Variants in PGBD1 observed in about 807,000 individuals in gnomAD.
The protein encoded by PGBD1 is piggyBac transposable element-derived protein 1.
In PGBD1, 25 loss-of-function variants were observed where a neutral mutation model predicts 34.7. The observed-to-expected ratio is 0.72, with a 90% CI of 0.52 to 1.00. The LOEUF (loss-of-function observed/expected upper bound fraction) is 1.00. Among genes scored for constraint, PGBD1 ranks in the 50% least tolerant of loss-of-function variants. The pLI is 0.00. For missense variants in PGBD1, 830 were observed against 959.4 expected, an observed-to-expected ratio of 0.87 and a Z score of 1.78; for synonymous variants, 292 against 335.7, an observed-to-expected ratio of 0.87 and a Z score of 1.42.
chr6:28,302,060 A>C lies in PGBD1; in HGVS notation c.2206A>C (p.Lys736Gln). The change falls in exon 7 of 7, where the codon AAG becomes CAG. Residue 736 changes from lysine (K) to glutamine (Q), a missense_variant. Around this residue, in one of 3 missense-constraint regions of PGBD1, gnomAD observed 372 missense variants for 427.9 expected, o/e 0.87. Coordinates refer to ENST00000682144, the MANE Select transcript of PGBD1 (RefSeq NM_032507.4). ...PSIVKVYDEC[K>Q]EGVAKMDQII... ...CATAGTAAAAGTGTATGATGAATGCAAGGAAGGTGTAGCTAAAATGGATCA... is the reference window on the plus strand; with the variant it reads ...CATAGTAAAAGTGTATGATGAATGCCAGGAAGGTGTAGCTAAAATGGATCA... 6.2e-7 allele frequency: 1 copy of C among 1,614,162 alleles called. No individual in the cohort carries two copies. The highest frequency in any genetic ancestry group is 1.3e-5 in the African/African-American group (1 of 75,028).
In PGBD1 at chr6:28,285,272, A is replaced by C. The variant is rs535062856; in HGVS notation, c.397-279A>C. On this transcript the variant is annotated intron_variant, in intron 2 of 6. Coordinates refer to ENST00000682144, the MANE Select transcript of PGBD1 (RefSeq NM_032507.4). Reference sequence around the variant, plus strand: ...TGATGAGGTTATGGTGGTACCTGTCAATTTTCTCCACTAGAAAGTTACCAT... The same window carrying C: ...TGATGAGGTTATGGTGGTACCTGTCCATTTTCTCCACTAGAAAGTTACCAT... Among the ~76,000 whole-genome samples the C allele has an allele frequency of 1.3e-3, 196 of 152,306 alleles. 6 individuals carry two copies. The South Asian group carries it at 0.035, about 27-fold the overall frequency.
Position 28,296,833 on chromosome 6 carries a change from G to T in PGBD1, c.660G>T (p.Glu220Asp). 6.2e-7 allele frequency: 1 copy of T among 1,614,124 alleles called. No individual in the cohort carries two copies. The highest frequency in any genetic ancestry group is 8.5e-7 in the Non-Finnish European group (1 of 1,179,990). The change falls in exon 5 of 7, where the codon GAG becomes GAT. Residue 220 changes from glutamate to aspartate, a missense_variant. Physicochemically the swap from Glu to Asp is conservative, Grantham distance 45. This residue lies in a region of PGBD1 where 457 missense variants were observed against 515.4 expected (regional missense o/e 0.89). Coordinates refer to ENST00000682144, the MANE Select transcript of PGBD1 (RefSeq NM_032507.4). ...PVRSQTLVKT[E>D]EETAQAVAAE... ...CTTTTTAGACATTGGTGAAGACTGA[G>T]GAAGAAACAGCCCAGGCCGTTGCTG...
rs1247037412 is a variant in PGBD1 at position 28,281,732 on chromosome 6, T to G, written c.-225T>G. ...TCAGCTACGTCTTTGTTGTGCGCGT[T>G]CCTGAACTTTTGGTCCATTAACCAA... On this transcript the variant is annotated 5_prime_UTR_variant, in exon 1 of 7. Transcript: ENST00000682144. The G allele has an allele frequency of 4.5e-5, 12 of 267,728 alleles. No individual in the cohort carries two copies. The highest frequency in any genetic ancestry group is 2.4e-4 in the African/African-American group (11 of 45,650). The allele number at this position is 267,728 out of a possible 1,614,324, so 16.6% of individuals were successfully genotyped here. A position where few individuals can be genotyped will look rare whatever the true frequency, so the allele number is the denominator to read the frequency against.
chr6:28,282,722 C>T (rs924003497), intron 1 of PGBD1, among the ~76,000 whole-genome samples: 1 of 152,068 alleles, frequency 6.6e-6, no homozygotes, highest in African/African-American at 2.4e-5. Context: ...ACTCTGATTT[C>T]AGTTTGAGAT....
intron 2 of PGBD1, among the ~76,000 whole-genome samples, chr6:28,284,952 C>A (rs1029371687): frequency 6.6e-6 from 1 of 152,136 alleles, no homozygotes; most frequent in Non-Finnish European, 1.5e-5. Context: ...CCATGTTATC[C>A]TAATAATGTT....
At chr6:28,293,761 T>C (rs1261385184) in intron 4 of PGBD1, among the ~76,000 whole-genome samples, 1 of 152,204 alleles carries the variant, frequency 6.6e-6, no homozygotes, top group African/African-American at 2.4e-5. Context: ...TCAATAAACA[T>C]TGTATGTGTC....
chr6:28,286,527 C>T (rs1337620441), intron 3 of PGBD1, among the ~76,000 whole-genome samples: 1 of 152,142 alleles, frequency 6.6e-6, no homozygotes, highest in Non-Finnish European at 1.5e-5. Flanking sequence ...CAGTGGCTGG[C>T]CTTGTGCAGT....
At chr6:28,283,630 G>C in intron 1 of PGBD1, 146 bp from the exon 2 acceptor site, 1 of 642,980 alleles carries the variant, frequency 1.6e-6, no homozygotes, top group Non-Finnish European at 2.5e-6. Context: ...TCATTTCACT[G>C]ATAATAGAAG....
At chr6:28,287,644 T>C (rs1762327452) in intron 4 of PGBD1, among the ~76,000 whole-genome samples, 1 of 152,186 alleles carries the variant, frequency 6.6e-6, no homozygotes, top group Non-Finnish European at 1.5e-5. Context: ...AAATGGACTC[T>C]GGTTTTTTTT....
intron 4 of PGBD1, among the ~76,000 whole-genome samples, chr6:28,287,488 C>T (rs572113992): frequency 6.6e-6 from 1 of 152,266 alleles, no homozygotes; most frequent in East Asian, 1.9e-4. Flanking sequence ...GATATTTTCT[C>T]CTTTGAAGTC....
rs552493223 is a variant in PGBD1 at position 28,300,068 on chromosome 6, A to G, written c.870-656A>G. Among the ~76,000 whole-genome samples the G allele has an allele frequency of 6.6e-6, 1 of 152,078 alleles. No individual in the cohort carries two copies. The highest frequency in any genetic ancestry group is 1.9e-4 in the East Asian group (1 of 5,192). Reference sequence around the variant, plus strand: ...TTTAGCTTACTTCCTTGTAAACCCCATAAAAATCAGTCCAAGTGCAATGAG... The same window carrying G: ...TTTAGCTTACTTCCTTGTAAACCCCGTAAAAATCAGTCCAAGTGCAATGAG... On this transcript the variant is annotated intron_variant, in intron 6 of 6. Transcript: ENST00000682144. This position sits in a 1 kb window ranked among gnomAD's most constrained non-coding sequence, Gnocchi z 4.0.
intron 6 of PGBD1, 83 bp downstream of exon 6, chr6:28,298,074 G>T: frequency 1.1e-6 from 1 of 935,114 alleles, no homozygotes; most frequent in Non-Finnish European, 1.7e-6. Flanking sequence ...TTGGTCAAAG[G>T]CCTGCTTCTC....
chr6:28,286,289 GCTCTTCATTT>G (rs1762283352), intron 3 of PGBD1, among the ~76,000 whole-genome samples: 1 of 152,172 alleles, frequency 6.6e-6, no homozygotes, highest in African/African-American at 2.4e-5. Context: ...TACCACATGT[GCTCTTCATTT>G]GATAATTTTG....
Position 28,301,740 on chromosome 6 carries a change from T to G in PGBD1, c.1886T>G (p.Phe629Cys). Residue 629 changes from phenylalanine (F) to cysteine (C), a missense_variant, in exon 7 of 7, where the codon TTC (phenylalanine) becomes TGC (cysteine). Phe to Cys is a radical substitution (Grantham distance 205). Coordinates refer to ENST00000682144, the MANE Select transcript of PGBD1 (RefSeq NM_032507.4). ...CCCTATCACCTGTGTTTTGATAGCT[T>G]CTTTACAAGTGTCAAATTGTTGTCA... The part of the protein sequence containing the change: ...QYPYHLCFDS[F>C]FTSVKLLSAL... 1 of 1,614,154 alleles carries G rather than the reference T, an allele frequency of 6.2e-7. No homozygotes were observed.
At chr6:28,296,064 G>T (rs1054951078) in intron 4 of PGBD1, among the ~76,000 whole-genome samples, 1 of 152,188 alleles carries the variant, frequency 6.6e-6, no homozygotes, top group Non-Finnish European at 1.5e-5. Context: ...AAACCATGTG[G>T]TAGCCTTTTG....
chr6:28,287,207 G>A (rs1762314010), intron 4 of PGBD1, 39 bp downstream of exon 4: 8 of 1,507,134 alleles, frequency 5.3e-6, no homozygotes, highest in Non-Finnish European at 7.4e-6. Flanking sequence ...TATCAGTAGT[G>A]GTCTTTCTCC....
At chr6:28,295,681 A>G (rs1384831406) in intron 4 of PGBD1, among the ~76,000 whole-genome samples, 2 of 152,220 alleles carry the variant, frequency 1.3e-5, no homozygotes, top group African/African-American at 4.8e-5. Flanking sequence ...TTTAGACACA[A>G]TGCTTATGTA....
chr6:28,295,467 A>G (rs1762597662), intron 4 of PGBD1, among the ~76,000 whole-genome samples: 2 of 152,182 alleles, frequency 1.3e-5, no homozygotes, highest in African/African-American at 4.8e-5. Context: ...AGAGTCAATC[A>G]AGGTGGCCAA....
At chr6:28,285,441 G>A in intron 2 of PGBD1, 110 bp from the exon 3 acceptor site, 1 of 1,195,864 alleles carries the variant, frequency 8.4e-7, no homozygotes, top group Non-Finnish European at 1.1e-6. Flanking sequence ...TCCTTTGCCT[G>A]TCTTTTCTGC....
Sources: allele counts gnomAD v4.1 joint callset (sites outside exome capture counted in the v4.1 genomes callset), GRCh38; gene constraint gnomAD v4.1.1; regional missense constraint gnomAD v4.1.1; non-coding constraint Gnocchi (gnomAD v3.1); transcripts MANE v1.5; gene names NCBI Gene and HGNC (gene_info 2026-07-23, HGNC 2026-07-21).